The following ESRRG variants were observed in gnomAD, a reference collection of about 807,000 sequenced individuals.
ESRRG encodes estrogen related receptor gamma.
In ESRRG, 13 loss-of-function variants were observed where a neutral mutation model predicts 44.0. The ratio of observed to expected loss-of-function variants is 0.30; its 90% confidence interval spans 0.19 to 0.47. The LOEUF (loss-of-function observed/expected upper bound fraction) is 0.47. ESRRG is among the 20% of genes least tolerant of loss of function. The pLI, the probability that ESRRG is intolerant of heterozygous loss-of-function variation, is 1.00. For synonymous variants in ESRRG, 215 were observed against 214.6 expected (o/e 1.00, Z -0.02); for missense variants, 395 against 580.6 (o/e 0.68, Z 3.29).
At chr1:217,106,602 A>G (rs999769142) in intron 1 of ESRRG, among the ~76,000 whole-genome samples, 1 of 152,204 alleles carries the variant, frequency 6.6e-6, no homozygotes, top group African/African-American at 2.4e-5. Flanking sequence ...ATGGATCAGG[A>G]GGGATTTTCT....
intron 1 of ESRRG, among the ~76,000 whole-genome samples, chr1:217,077,514 A>C (rs545632810): frequency 6.6e-6 from 1 of 152,170 alleles, no homozygotes; most frequent in African/African-American, 2.4e-5. Context: ...ACTTTCCAAA[A>C]TTCTGTGAGC....
intron 2 of ESRRG, among the ~76,000 whole-genome samples, chr1:216,913,111 C>CAAAAAAAAAA (rs36067159): frequency 3.2e-5 from 2 of 62,812 alleles, no homozygotes; most frequent in African/African-American, 1.1e-4. Flanking sequence ...GACTCTGTCT[C>CAAAAAAAAAA]AAAAAAAAAA....
chr1:217,124,264 A>G (rs1340766478), intron 1 of ESRRG, among the ~76,000 whole-genome samples: 2 of 152,192 alleles, frequency 1.3e-5, no homozygotes, highest in Non-Finnish European at 2.9e-5. Context: ...ATGAAGAAAT[A>G]AACATTTATT....
At chr1:217,048,769 T>C (rs1317197953) in intron 1 of ESRRG, among the ~76,000 whole-genome samples, 1 of 152,128 alleles carries the variant, frequency 6.6e-6, no homozygotes, top group Non-Finnish European at 1.5e-5. Context: ...CCAGAGAAAA[T>C]GAAGACTTCA....
intron 1 of ESRRG, among the ~76,000 whole-genome samples, chr1:217,066,484 A>G (rs1482465253): frequency 1.3e-5 from 2 of 151,116 alleles, no homozygotes; most frequent in South Asian, 2.1e-4. Context: ...CTCGTGATCC[A>G]CCTGCCTCGG....
At chr1:216,993,902 T>C (rs148879297) in intron 1 of ESRRG, among the ~76,000 whole-genome samples, 84 of 152,332 alleles carry the variant, frequency 5.5e-4, no homozygotes, top group African/African-American at 2.0e-3. Context: ...ATACTTCAAA[T>C]TTTATCTCCA....
intron 1 of ESRRG, among the ~76,000 whole-genome samples, chr1:217,058,105 T>G (rs1325568869): frequency 6.6e-6 from 1 of 152,130 alleles, no homozygotes; most frequent in African/African-American, 2.4e-5. Context: ...CTGTGCCACA[T>G]ATCTGAAAAT....
At chr1:216,860,630 G>A (rs909852410) in intron 2 of ESRRG, among the ~76,000 whole-genome samples, 1 of 152,098 alleles carries the variant, frequency 6.6e-6, no homozygotes, top group African/African-American at 2.4e-5. Context: ...ACTGTCAACT[G>A]AGAATTTGAA....
intron 2 of ESRRG, among the ~76,000 whole-genome samples, chr1:216,672,201 ACC>A (rs1161968067): frequency 2.6e-5 from 4 of 152,200 alleles, no homozygotes; most frequent in African/African-American, 9.7e-5. Flanking sequence ...TGCCACTGTA[ACC>A]CTATTGGATG....
chr1:216,816,088 A>G (rs1482491926), intron 2 of ESRRG, among the ~76,000 whole-genome samples: 1 of 152,212 alleles, frequency 6.6e-6, no homozygotes, highest in Non-Finnish European at 1.5e-5. Context: ...TGACTTGCAC[A>G]GATGCTAAAG....
intron 2 of ESRRG, among the ~76,000 whole-genome samples, chr1:216,747,435 C>T (rs1252784785): frequency 6.6e-6 from 1 of 152,254 alleles, no homozygotes; most frequent in Middle Eastern, 3.4e-3. Context: ...TGCACAGGTC[C>T]TTTATAGCAT....
chr1:216,945,264 G>A (rs1222686093), intron 1 of ESRRG, among the ~76,000 whole-genome samples: 1 of 152,058 alleles, frequency 6.6e-6, no homozygotes. Flanking sequence ...AATGTGGGAA[G>A]GAAGGAGGCA....
intron 5 of ESRRG, among the ~76,000 whole-genome samples, chr1:216,530,228 A>C (rs971826851): frequency 6.6e-5 from 10 of 152,022 alleles, no homozygotes; most frequent in Admixed American, 1.3e-4. Flanking sequence ...ACCTTTTAAA[A>C]AGCACATTCC....
intron 2 of ESRRG, among the ~76,000 whole-genome samples, chr1:216,729,032 T>A (rs897450634): frequency 2.6e-5 from 4 of 152,188 alleles, no homozygotes; most frequent in African/African-American, 9.6e-5. Flanking sequence ...GAACATGCCT[T>A]GGGTTCAGAT....
chr1:216,618,227 C>G (rs1432120556), intron 3 of ESRRG, among the ~76,000 whole-genome samples: 1 of 152,138 alleles, frequency 6.6e-6, no homozygotes, highest in Non-Finnish European at 1.5e-5. Flanking sequence ...CACTTGCCCT[C>G]AAAAGAACAG....
intron 1 of ESRRG, among the ~76,000 whole-genome samples, chr1:217,046,802 A>G (rs1432734457): frequency 2.6e-5 from 4 of 151,870 alleles, no homozygotes. Flanking sequence ...AGAATTGCTT[A>G]TGCCAAGGAA....
chr1:216,981,039 A>G (rs1289887018), intron 1 of ESRRG, among the ~76,000 whole-genome samples: 1 of 152,154 alleles, frequency 6.6e-6, no homozygotes, highest in African/African-American at 2.4e-5. Context: ...AGTACCTACT[A>G]AGGCAAGATA....
intron 1 of ESRRG, among the ~76,000 whole-genome samples, chr1:217,080,588 G>T (rs1279833609): frequency 2.7e-5 from 4 of 150,418 alleles, no homozygotes; most frequent in African/African-American, 1.0e-4. Context: ...AGCCTGACCC[G>T]AAGACATCTC....
chr1:216,797,048 C>A (rs1289416960), intron 2 of ESRRG, among the ~76,000 whole-genome samples: 1 of 151,910 alleles, frequency 6.6e-6, no homozygotes, highest in African/African-American at 2.4e-5. Context: ...TGTGCTGTCA[C>A]ACCTGGCTAA....
Sources: gnomAD v4.1 joint callset for allele counts (sites outside exome capture counted in the v4.1 genomes callset) on GRCh38, gnomAD v4.1.1 for gene constraint, MANE v1.5 for transcripts, NCBI Gene and HGNC (gene_info 2026-07-23, HGNC 2026-07-21) for gene names.